FGD1: variants seen among roughly 807,000 people sequenced by gnomAD.
FGD1 encodes the protein FYVE, RhoGEF and PH domain containing 1, also known as FYVE, RhoGEF and PH domain-containing protein 1.
FGD1 carries 12 observed loss-of-function variants against 65.0 expected under a neutral mutation model. That is an observed-to-expected ratio of 0.18 (90% CI 0.12 to 0.30). The LOEUF (loss-of-function observed/expected upper bound fraction) is 0.30, where lower values mean the gene tolerates loss of function less well. Among genes scored for constraint, FGD1 ranks in the 10% least tolerant of loss-of-function variants. The probability of loss-of-function intolerance (pLI) is 1.00; values close to 1 mark genes in which losing one functional copy is unlikely to be tolerated. For missense variants in FGD1, 542 were observed against 837.6 expected (o/e 0.65, Z 4.36); for synonymous variants, 333 against 343.9 (o/e 0.97, Z 0.35).
At position 54,470,570 on chromosome X, in the gene FGD1, G is replaced by A; in HGVS notation, c.659+13C>T. The stretch of plus-strand genomic sequence containing the variant: ...CCCTTTCCCCTAGAGGGTGCCCTAG[G>A]GACCAGACTCACCTTTCAAACTTCT... On this transcript the variant is annotated intron_variant, in intron 3 of 17. Transcript: ENST00000375135. The A allele has an allele frequency of 8.3e-7, 1 of 1,205,114 alleles. No homozygotes were observed. The highest frequency in any genetic ancestry group is 1.1e-6 in the Non-Finnish European group (1 of 891,236).
At chrX:54,468,687 T>A (rs1922815424) in intron 5 of FGD1, 100 bp downstream of exon 5, 1 of 573,321 alleles carries the variant, frequency 1.7e-6, no homozygotes. Context: ...GCCTCTAAAT[T>A]CTGGCCACAA....
In FGD1 at chrX:54,450,132, A is replaced by G. The variant is rs192455243; in HGVS notation, c.2046+139T>C. ...GCACCTCAGTTTGCTTATCTGTAAA[A>G]TGGGGATAGTAAAGTTTGCTGAAAG... On this transcript the variant is annotated intron_variant, in intron 13 of 17. Coordinates refer to ENST00000375135, the MANE Select transcript of FGD1 (RefSeq NM_004463.3). 1.1e-3 allele frequency: 652 copies of G among 613,390 alleles called. 9 individuals are homozygous for G. The East Asian group carries it at 0.018, about 17-fold the overall frequency. 50.6% of individuals were successfully genotyped at this position (613,390 alleles called of 1,213,427 possible). A position where few individuals can be genotyped will look rare whatever the true frequency, so the allele number is the denominator to read the frequency against.
intron 5 of FGD1, 74 bp from the exon 6 acceptor site, chrX:54,468,006 G>C: frequency 3.1e-6 from 3 of 980,451 alleles, no homozygotes; most frequent in Non-Finnish European, 4.3e-6. Flanking sequence ...GGCAGTATTT[G>C]TGGGGAGGCT....
At chrX:54,486,336 C>A (rs1209891580) in intron 1 of FGD1, among the ~76,000 whole-genome samples, 1 of 111,450 alleles carries the variant, frequency 9.0e-6, no homozygotes, top group Non-Finnish European at 1.9e-5. Flanking sequence ...GCAACCTCCA[C>A]CTCCCGGGTT....
At chrX:54,451,356 C>T (rs1223483199) in intron 12 of FGD1, among the ~76,000 whole-genome samples, 4 of 108,190 alleles carry the variant, frequency 3.7e-5, no homozygotes, top group Non-Finnish European at 7.7e-5. Context: ...GTGATCTCAG[C>T]TTACTGCAAC....
intron 6 of FGD1, among the ~76,000 whole-genome samples, chrX:54,467,357 T>C (rs1445123166): frequency 9.6e-6 from 1 of 104,078 alleles, no homozygotes; most frequent in Non-Finnish European, 2.0e-5. Context: ...TTTTTCTTTT[T>C]CTTTTTTTTT....
Position 54,455,750 on chromosome X carries a change from A to G in FGD1, c.1877T>C (p.Leu626Pro). 8.4e-7 allele frequency: 1 copy of G among 1,188,829 alleles called. No individual in the cohort carries two copies. Among genetic ancestry groups the G allele is most frequent in the Non-Finnish European group, 1.1e-6 (1 of 882,635 alleles). Reference protein sequence around the residue: ...NDRLLYCVPRLRLLGQKFSVR... With the variant: ...NDRLLYCVPRPRLLGQKFSVR... ...GCTAAACTTCTGGCCAAGGAGCCGC[A>G]GCCTGGGCACGCAGTAAAGGAGGCG... The change falls in exon 11 of 18, where the codon CTG (leucine) becomes CCG (proline). Residue 626 changes from leucine (L) to proline (P), a missense_variant. This residue lies in a region of FGD1 where 182 missense variants were observed against 311.4 expected (regional missense o/e 0.58). Transcript: ENST00000375135.
chrX:54,490,975 C>G (rs1923401909), intron 1 of FGD1, among the ~76,000 whole-genome samples: 1 of 111,379 alleles, frequency 9.0e-6, no homozygotes, highest in Non-Finnish European at 1.9e-5. Context: ...CTCTTGCACC[C>G]CTTCCATCCA....
At chrX:54,487,977 CAAAA>C (rs1242017940) in intron 1 of FGD1, among the ~76,000 whole-genome samples, 3 of 104,365 alleles carry the variant, frequency 2.9e-5, no homozygotes, top group Non-Finnish European at 5.9e-5. Flanking sequence ...AACAAACAAA[CAAAA>C]AAACCAAACC....
At chrX:54,484,389 G>C (rs1354782232) in intron 1 of FGD1, among the ~76,000 whole-genome samples, 2 of 110,696 alleles carry the variant, frequency 1.8e-5, no homozygotes, top group Non-Finnish European at 1.9e-5. Flanking sequence ...TTGCCTACCT[G>C]GCACCTAAGC....
chrX:54,461,366 G>A (rs754443893), intron 8 of FGD1, among the ~76,000 whole-genome samples: 2 of 109,311 alleles, frequency 1.8e-5, no homozygotes, highest in African/African-American at 6.7e-5. Flanking sequence ...ACTTTTGGAA[G>A]CCAAGGCAGG....
chrX:54,468,660 C>T (rs2147434376), intron 5 of FGD1, 127 bp downstream of exon 5: 1 of 510,650 alleles, frequency 2.0e-6, no homozygotes. Flanking sequence ...ACTTCAAGGT[C>T]AGAGAGGAGC....
chrX:54,495,331 G>C lies in FGD1; in HGVS notation c.102C>G (p.Asp34Glu), dbSNP rs766075933. 7.7e-6 allele frequency: 9 copies of C among 1,163,788 alleles called. No individual in the cohort carries two copies. Among genetic ancestry groups the C allele is most frequent in the Non-Finnish European group, 1.0e-5 (9 of 874,339 alleles). ...GCAGTCCGGGTTCCGAGGCTCCAGG[G>C]TCCGAGTCGGCACAGGCCGGCGGAG... The part of the protein sequence containing the change: ...GAAPPACADS[D>E]PGASEPGLLA... Residue 34 changes from aspartate (D) to glutamate (E), a missense_variant, in exon 1 of 18, where the codon GAC (aspartate) becomes GAG (glutamate). Transcript: ENST00000375135.
intron 12 of FGD1, among the ~76,000 whole-genome samples, chrX:54,454,049 G>A (rs1022663552): frequency 3.0e-4 from 33 of 111,788 alleles, no homozygotes; most frequent in African/African-American, 1.0e-3. Flanking sequence ...CTACTATAGA[G>A]ATGCAAAATT....
chrX:54,455,662 G>C (rs765928104), intron 11 of FGD1, 30 bp downstream of exon 11: 112 of 1,154,841 alleles, frequency 9.7e-5, no homozygotes, highest in Non-Finnish European at 1.3e-4. Context: ...CCCACTCCAA[G>C]TTCCCATTTC....
At chrX:54,493,625 G>A (rs752471805) in intron 1 of FGD1, among the ~76,000 whole-genome samples, 1 of 111,952 alleles carries the variant, frequency 8.9e-6, no homozygotes, top group East Asian at 2.8e-4. Context: ...AAGTCCTGGG[G>A]TGGGAGTGCT....
intron 5 of FGD1, among the ~76,000 whole-genome samples, 198 bp downstream of exon 5, chrX:54,468,589 G>C (rs1922814214): frequency 1.8e-5 from 2 of 110,641 alleles, no homozygotes; most frequent in African/African-American, 3.3e-5. Context: ...AGTGAGGGTT[G>C]GTATCAGCCC....
At chrX:54,472,561 G>A (rs893759129) in intron 1 of FGD1, among the ~76,000 whole-genome samples, 1 of 111,430 alleles carries the variant, frequency 9.0e-6, no homozygotes, top group Non-Finnish European at 1.9e-5. Flanking sequence ...GTCATGCTTA[G>A]GAGAGAGGAT....
At chrX:54,455,548 G>C in intron 11 of FGD1, 21 bp from the exon 12 acceptor site, 1 of 1,160,264 alleles carries the variant, frequency 8.6e-7, no homozygotes, top group Non-Finnish European at 1.2e-6. Flanking sequence ...GCAGAAAGGG[G>C]CATGGTGAGG....
Sources: allele counts gnomAD v4.1 joint callset (sites outside exome capture counted in the v4.1 genomes callset), GRCh38; gene constraint gnomAD v4.1.1; regional missense constraint gnomAD v4.1.1; transcripts MANE v1.5; gene names NCBI Gene and HGNC (gene_info 2026-07-23, HGNC 2026-07-21).